PDE1C: variants seen among roughly 807,000 people sequenced by gnomAD.
The protein encoded by PDE1C is dual specificity calcium/calmodulin-dependent 3',5'-cyclic nucleotide phosphodiesterase 1C.
A neutral mutation model predicts 93.1 loss-of-function variants in PDE1C; 62 were observed. The observed-to-expected ratio is 0.67, with a 90% confidence interval of 0.54 to 0.82. PDE1C has a LOEUF of 0.82. Ranked by LOEUF, PDE1C falls within the 40% of genes least tolerant of loss-of-function variation. PDE1C has a pLI of 0.00. For missense variants in PDE1C, 742 were observed against 884.6 expected (o/e 0.84, Z 2.04); for synonymous variants, 325 against 310.1 (o/e 1.05, Z -0.50).
chr7:31,848,813 G>A (rs183018043), intron 8 of PDE1C, among the ~76,000 whole-genome samples: 1 of 152,184 alleles, frequency 6.6e-6, no homozygotes, highest in Non-Finnish European at 1.5e-5. Flanking sequence ...TGGCAGGGCT[G>A]GGATGAAGGC....
the PDE1C span, among the ~76,000 whole-genome samples, chr7:31,617,375 T>C: frequency 1.3e-5 from 2 of 152,218 alleles, no homozygotes; most frequent in Non-Finnish European, 2.9e-5. Context: ...ATCATACCTC[T>C]ATGTAGTATT....
intron 2 of PDE1C, among the ~76,000 whole-genome samples, chr7:31,904,396 CTTAGAT>C (rs1000308125): frequency 4.6e-5 from 7 of 152,008 alleles, no homozygotes; most frequent in South Asian, 2.1e-4. Flanking sequence ...TAAAACTTCT[CTTAGAT>C]TTAGAGTCCT....
At chr7:32,397,029 A>G (rs900830625) in intron 1 of PDE1C, among the ~76,000 whole-genome samples, 1 of 152,224 alleles carries the variant, frequency 6.6e-6, no homozygotes, top group East Asian at 1.9e-4. Flanking sequence ...CAAATACTAC[A>G]TGAAAACATG....
At chr7:32,197,335 T>C (rs1355058469) in intron 2 of PDE1C, among the ~76,000 whole-genome samples, 5 of 152,168 alleles carry the variant, frequency 3.3e-5, no homozygotes, top group Non-Finnish European at 7.4e-5. Context: ...GGAACCCTCA[T>C]ACATTGTGAA....
chr7:32,069,484 T>C (rs773430758), intron 1 of PDE1C, among the ~76,000 whole-genome samples: 50 of 152,164 alleles, frequency 3.3e-4, no homozygotes, highest in Non-Finnish European at 5.4e-4. Context: ...GCCCAGTGAC[T>C]GAGGAGCAAG....
chr7:32,390,540 TG>T (rs1396419044), intron 1 of PDE1C, among the ~76,000 whole-genome samples: 1 of 122,396 alleles, frequency 8.2e-6, no homozygotes, highest in African/African-American at 3.7e-5. Context: ...GAGTGATCAT[TG>T]AAAAAAAAAA....
At chr7:32,301,800 T>C (rs1812887516), upstream of PDE1C, among the ~76,000 whole-genome samples, 1 of 152,212 alleles carries the variant, frequency 6.6e-6, no homozygotes, top group South Asian at 2.1e-4. Flanking sequence ...AGCAGATGTG[T>C]CAATCATCTG....
intron 2 of PDE1C, among the ~76,000 whole-genome samples, chr7:32,030,018 T>C (rs1017147159): frequency 6.6e-6 from 1 of 150,806 alleles, no homozygotes; most frequent in Non-Finnish European, 1.5e-5. Context: ...TGAGCTGACA[T>C]AGAAAAATAT....
chr7:31,760,270 T>C (rs1006165736), intron 17 of PDE1C, among the ~76,000 whole-genome samples: 1 of 152,232 alleles, frequency 6.6e-6, no homozygotes, highest in Non-Finnish European at 1.5e-5. Context: ...ATCAAGGACA[T>C]CTTATAGAGT....
At chr7:32,222,719 C>T (rs1806966390) in intron 1 of PDE1C, among the ~76,000 whole-genome samples, 1 of 152,148 alleles carries the variant, frequency 6.6e-6, no homozygotes, top group African/African-American at 2.4e-5. Flanking sequence ...TAACACCAGA[C>T]CTGCTTCATT....
chr7:32,279,456 C>T (rs553999848), intron 1 of PDE1C, among the ~76,000 whole-genome samples: 1 of 152,194 alleles, frequency 6.6e-6, no homozygotes, highest in Admixed American at 6.5e-5. Flanking sequence ...AATAGCTACA[C>T]AAGAGGATGC....
chr7:31,943,054 C>G (rs925027407), intron 2 of PDE1C, among the ~76,000 whole-genome samples: 2 of 152,120 alleles, frequency 1.3e-5, no homozygotes, highest in African/African-American at 4.8e-5. Flanking sequence ...GAAAGGAACC[C>G]TGGAAATTTT....
chr7:32,403,997 A>C (rs1441916583), intron 1 of PDE1C, among the ~76,000 whole-genome samples: 1 of 152,202 alleles, frequency 6.6e-6, no homozygotes, highest in East Asian at 1.9e-4. Context: ...AAGAATCTGC[A>C]CTGTTGCATC....
At chr7:31,958,096 T>TA (rs1299068924) in intron 2 of PDE1C, among the ~76,000 whole-genome samples, 2 of 152,212 alleles carry the variant, frequency 1.3e-5, no homozygotes, top group Non-Finnish European at 2.9e-5. Context: ...TAACATTACA[T>TA]AAAAAATGTT....
intron 2 of PDE1C, among the ~76,000 whole-genome samples, chr7:31,891,306 A>G (rs1798608177): frequency 6.6e-6 from 1 of 152,182 alleles, no homozygotes; most frequent in Non-Finnish European, 1.5e-5. Flanking sequence ...GGTAGGCTCA[A>G]GAGGAAGAGG....
the PDE1C span, among the ~76,000 whole-genome samples, chr7:31,689,399 C>G: frequency 6.6e-6 from 1 of 152,098 alleles, no homozygotes; most frequent in Admixed American, 6.5e-5. Context: ...AGAGCTGGTG[C>G]CTTAGAAAGT....
chr7:31,689,691 A>G, the PDE1C span, among the ~76,000 whole-genome samples: 1 of 152,142 alleles, frequency 6.6e-6, no homozygotes, highest in Non-Finnish European at 1.5e-5. Flanking sequence ...AAAATTATCA[A>G]TAAGCCAACA....
intron 2 of PDE1C, among the ~76,000 whole-genome samples, chr7:31,948,828 A>T (rs1184246458): frequency 6.6e-6 from 1 of 152,206 alleles, no homozygotes; most frequent in African/African-American, 2.4e-5. Flanking sequence ...GGCAACCAAG[A>T]TCCACAACAA....
chr7:32,209,637 G>T, intron 1 of PDE1C: 2 of 1,040,424 alleles, frequency 1.9e-6, no homozygotes, highest in Non-Finnish European at 2.8e-6. Flanking sequence ...TTGACATCGG[G>T]CTGTATTTAA....
Sources: gnomAD v4.1 joint callset for allele counts (sites outside exome capture counted in the v4.1 genomes callset) on GRCh38, gnomAD v4.1.1 for gene constraint, MANE v1.5 for transcripts, NCBI Gene and HGNC (gene_info 2026-07-23, HGNC 2026-07-21) for gene names.